Variants in KAT6B observed in about 807,000 individuals in gnomAD.
KAT6B encodes histone acetyltransferase KAT6B.
A neutral mutation model predicts 187.5 loss-of-function variants in KAT6B; 10 were observed. The observed-to-expected ratio is 0.05, with a 90% CI of 0.03 to 0.09. The LOEUF (loss-of-function observed/expected upper bound fraction) is 0.09. Ranked by LOEUF, KAT6B falls within the 10% of genes least tolerant of loss-of-function variation. The pLI is 1.00. For synonymous variants in KAT6B, 861 were observed against 926.8 expected, an observed-to-expected ratio of 0.93 and a Z score of 1.29; for missense variants, 1,952 against 2,558.9, an observed-to-expected ratio of 0.76 and a Z score of 5.12.
At chr10:74,972,116 A>G (rs917580015) in intron 6 of KAT6B, among the ~76,000 whole-genome samples, 28 of 152,110 alleles carry the variant, frequency 1.8e-4, no homozygotes, top group Admixed American at 5.2e-4. Flanking sequence ...CTTTCCAGAA[A>G]GAGATGATAA....
chr10:74,863,559 C>T (rs1376528085), intron 3 of KAT6B, among the ~76,000 whole-genome samples: 2 of 152,146 alleles, frequency 1.3e-5, no homozygotes, highest in Non-Finnish European at 2.9e-5. Context: ...AAAGATAGTA[C>T]CAATTTATAC....
chr10:74,833,154 A>AG (rs1841005435), intron 1 of KAT6B, among the ~76,000 whole-genome samples: 1 of 151,770 alleles, frequency 6.6e-6, no homozygotes, highest in Non-Finnish European at 1.5e-5. Context: ...AAAAAAAAAA[A>AG]AAAAATCACA....
chr10:74,929,988 C>T lies in KAT6B; in HGVS notation c.622-29982C>T, dbSNP rs1019053367. Among the ~76,000 whole-genome samples the T allele has an allele frequency of 9.4e-5, 14 of 149,624 alleles. No homozygotes were observed. In the East Asian group the frequency reaches 9.9e-4, roughly 11 times the overall value. On this transcript the variant is annotated intron_variant, in intron 3 of 17. Transcript: ENST00000287239. ...AGGCTGGAGTACAGTGGCATAATCTCGGCTCACCTCAACCTCTACCTCCTG... is the reference window on the plus strand; with the variant it reads ...AGGCTGGAGTACAGTGGCATAATCTTGGCTCACCTCAACCTCTACCTCCTG...
chr10:75,029,676 A>G lies in KAT6B; in HGVS notation c.4852A>G (p.Ser1618Gly), dbSNP rs370040258. ...GTCCGTACGTTCTGTCAACAGCCCA[A>G]GTGTCCCTGCTCTGGAAAACAGCTA... is the stretch of plus-strand genomic sequence containing the variant. ...GQSVRSVNSP[S>G]VPALENSYAQ... The change falls in exon 18 of 18, where the codon AGT becomes GGT. Residue 1618 changes from serine (S) to glycine (G), a missense_variant. Ser to Gly is a moderately conservative substitution (Grantham distance 56, BLOSUM62 0). Coordinates refer to ENST00000287239, the MANE Select transcript of KAT6B (RefSeq NM_012330.4). This position sits in a 1 kb window ranked among gnomAD's most constrained non-coding sequence, Gnocchi z 6.2. The G allele has an allele frequency of 3.7e-6, 6 of 1,614,122 alleles. No homozygotes were observed. The highest frequency in any genetic ancestry group is 5.1e-6 in the Non-Finnish European group (6 of 1,180,020).
Position 74,975,596 on chromosome 10 carries a change from T to C in KAT6B, c.1259T>C (p.Ile420Thr). 1 of 1,613,972 alleles carries C rather than the reference T, an allele frequency of 6.2e-7. No homozygotes were observed. Among genetic ancestry groups the C allele is most frequent in the Non-Finnish European group, 8.5e-7 (1 of 1,179,984 alleles). The change falls in exon 8 of 18, where the codon ATT becomes ACT. Residue 420 changes from isoleucine to threonine, a missense_variant. Around this residue, in one of 9 missense-constraint regions of KAT6B, gnomAD observed 417 missense variants for 508.9 expected, o/e 0.82. Coordinates refer to ENST00000287239, the MANE Select transcript of KAT6B (RefSeq NM_012330.4). ...TTKITTTSTY[I>T]SASTLKVNKK... The stretch of plus-strand genomic sequence containing the variant: ...AAAATCACCACCACCTCCACCTACA[T>C]TTCTGCCTCTACACTTAAAGTTAAC...
chr10:74,985,255 C>A lies in KAT6B; in HGVS notation c.2535+14C>A. 6.2e-7 allele frequency: 1 copy of A among 1,613,428 alleles called. No individual in the cohort carries two copies. The highest frequency in any genetic ancestry group is 1.3e-5 in the African/African-American group (1 of 75,036). ...TACTTCTCTAAGGTAAAACAAGAGC[C>A]AGCATGACCTTCATTTTCTTTTTCA... On this transcript the variant is annotated intron_variant, in intron 12 of 17. Transcript: ENST00000287239.
chr10:74,840,335 T>C (rs1357418685), intron 2 of KAT6B, among the ~76,000 whole-genome samples: 2 of 152,216 alleles, frequency 1.3e-5, no homozygotes, highest in Non-Finnish European at 2.9e-5. Flanking sequence ...TGGTCTAAGT[T>C]ATGGCTGGAG....
intron 3 of KAT6B, among the ~76,000 whole-genome samples, chr10:74,932,569 A>G: frequency 6.6e-6 from 1 of 152,236 alleles, no homozygotes; most frequent in Non-Finnish European, 1.5e-5. Flanking sequence ...GAAAACTAAA[A>G]AAGTAATCAT....
chr10:75,007,831 C>T (rs963691412), intron 13 of KAT6B, among the ~76,000 whole-genome samples: 2 of 152,046 alleles, frequency 1.3e-5, no homozygotes, highest in Admixed American at 1.3e-4. Flanking sequence ...AAAACTTACT[C>T]GATTTATTGG....
Position 74,843,400 on chromosome 10 carries a change from C to T in KAT6B, c.543C>T (p.Gly181=). ...GGGTCAATTATGGGAGCTTAGATGG[C>T]AAAGGGGCACCTCAGTATCCCAGTG... ...QYRVNYGSLD[G]KGAPQYPSAF... The change falls in exon 3 of 18, where the codon GGC becomes GGT. Residue 181 remains glycine (G), a synonymous_variant. Coordinates refer to ENST00000287239, the MANE Select transcript of KAT6B (RefSeq NM_012330.4). The T allele has an allele frequency of 6.2e-7, 1 of 1,613,848 alleles. No individual in the cohort carries two copies. The highest frequency in any genetic ancestry group is 8.5e-7 in the Non-Finnish European group (1 of 1,179,908).
At chr10:74,853,442 C>T (rs965050613) in intron 3 of KAT6B, among the ~76,000 whole-genome samples, 2 of 151,804 alleles carry the variant, frequency 1.3e-5, no homozygotes, top group African/African-American at 2.4e-5. Context: ...TACAGGCACA[C>T]ACCACTACAC....
chr10:74,902,847 T>G (rs1846496353), intron 3 of KAT6B, among the ~76,000 whole-genome samples: 1 of 152,222 alleles, frequency 6.6e-6, no homozygotes, highest in African/African-American at 2.4e-5. Flanking sequence ...ACTTATCAAC[T>G]CCTTTGAGAA....
At position 74,975,460 on chromosome 10, in the gene KAT6B, G is replaced by A. The variant is rs1842089733; in HGVS notation, c.1123G>A (p.Gly375Ser). The change falls in exon 8 of 18, where the codon GGT (glycine) becomes AGT (serine). Residue 375 changes from glycine to serine, a missense_variant. Transcript: ENST00000287239. ...AFTGRGSPGR[G>S]QKTKVCTTPS... ...CACAGGAAGGGGGTCACCTGGTAGGGGTCAAAAGACTAAAGTCTGTACCAC... is the reference window on the plus strand; with the variant it reads ...CACAGGAAGGGGGTCACCTGGTAGGAGTCAAAAGACTAAAGTCTGTACCAC... 6.2e-7 allele frequency: 1 copy of A among 1,614,084 alleles called. No homozygotes were observed. Among genetic ancestry groups the A allele is most frequent in the African/African-American group, 1.3e-5 (1 of 75,010 alleles).
chr10:74,898,043 G>T (rs1372637072), intron 3 of KAT6B, among the ~76,000 whole-genome samples: 5 of 151,988 alleles, frequency 3.3e-5, no homozygotes, highest in Non-Finnish European at 5.9e-5. Flanking sequence ...GTGTTTGCTG[G>T]AATTTTTCTT....
At chr10:74,909,558 T>C (rs1208479242) in intron 3 of KAT6B, among the ~76,000 whole-genome samples, 3 of 152,212 alleles carry the variant, frequency 2.0e-5, no homozygotes. Context: ...ATAATCTTCC[T>C]TTGTGCATAA....
At chr10:74,847,074 A>C (rs1440071400) in intron 3 of KAT6B, among the ~76,000 whole-genome samples, 8 of 152,182 alleles carry the variant, frequency 5.3e-5, no homozygotes, top group Non-Finnish European at 1.2e-4. Context: ...GCATCTGTAC[A>C]GAAGTATTTT....
At chr10:74,859,748 A>C (rs531403058) in intron 3 of KAT6B, among the ~76,000 whole-genome samples, 1 of 152,374 alleles carries the variant, frequency 6.6e-6, no homozygotes, top group African/African-American at 2.4e-5. Context: ...CTTCTAACTT[A>C]ACTCATTTTC....
At chr10:74,827,214 A>G in intron 1 of KAT6B, 1 of 152,952 alleles carries the variant, frequency 6.5e-6, no homozygotes, top group Non-Finnish European at 1.5e-5. Context: ...AGGGAGAGTT[A>G]GGGAGGGATG....
intron 7 of KAT6B, among the ~76,000 whole-genome samples, chr10:74,974,847 A>G (rs1311405791): frequency 6.6e-6 from 1 of 152,204 alleles, no homozygotes; most frequent in Non-Finnish European, 1.5e-5. Context: ...CCTAAGCACA[A>G]ACTGCTGAGA....
Sources: gnomAD v4.1 joint callset for allele counts (sites outside exome capture counted in the v4.1 genomes callset) on GRCh38, gnomAD v4.1.1 for gene constraint, gnomAD v4.1.1 regional missense constraint, Gnocchi (gnomAD v3.1) non-coding constraint, MANE v1.5 for transcripts, NCBI Gene and HGNC (gene_info 2026-07-23, HGNC 2026-07-21) for gene names.